XPO7: variants seen among roughly 807,000 people sequenced by gnomAD.
XPO7 encodes the protein exportin 7.
XPO7 carries 21 observed loss-of-function variants against 144.3 expected under a neutral mutation model. That is an observed-to-expected ratio of 0.15 (90% CI 0.10 to 0.21). XPO7 has a LOEUF of 0.21. Among genes scored for constraint, XPO7 ranks in the 10% least tolerant of loss-of-function variants. The pLI, the probability that XPO7 is intolerant of heterozygous loss-of-function variation, is 1.00. For synonymous variants in XPO7, 580 were observed against 499.6 expected (o/e 1.16, Z -2.15); for missense variants, 808 against 1,325.8 (o/e 0.61, Z 6.06).
At chr8:21,926,949 A>G (rs1172310993) in intron 1 of XPO7, among the ~76,000 whole-genome samples, 1 of 152,220 alleles carries the variant, frequency 6.6e-6, no homozygotes, top group East Asian at 1.9e-4. Flanking sequence ...ATTAAATAAA[A>G]CTTACTGGAA....
intron 12 of XPO7, among the ~76,000 whole-genome samples, chr8:21,985,291 T>C (rs2117368230): frequency 6.6e-6 from 1 of 152,336 alleles, no homozygotes; most frequent in South Asian, 2.1e-4. Flanking sequence ...CTTCCTCTTT[T>C]TACCGGGCCT....
At chr8:21,994,218 G>A (rs534790597) in intron 19 of XPO7, 145 bp from the exon 20 acceptor site, 69 of 541,572 alleles carry the variant, frequency 1.3e-4, no homozygotes, top group Non-Finnish European at 2.1e-4. Context: ...TTCTAGCATA[G>A]AAGATATTGA....
At chr8:21,922,509 T>TA (rs1810321816) in intron 1 of XPO7, among the ~76,000 whole-genome samples, 2 of 151,806 alleles carry the variant, frequency 1.3e-5, no homozygotes. Context: ...AAATCAAACT[T>TA]ACTTATGTGT....
chr8:21,979,565 G>T (rs1028598250), intron 8 of XPO7, among the ~76,000 whole-genome samples: 2 of 151,362 alleles, frequency 1.3e-5, no homozygotes, highest in African/African-American at 4.9e-5. Flanking sequence ...CTGCCACCAC[G>T]CCCAGCTAAT....
chr8:21,944,945 C>T (rs948498970), intron 1 of XPO7, among the ~76,000 whole-genome samples: 3 of 152,218 alleles, frequency 2.0e-5, no homozygotes, highest in African/African-American at 7.2e-5. Context: ...AGATTAACAG[C>T]ATCCCAAGGC....
At chr8:21,963,417 C>T (rs375660643) in intron 1 of XPO7, among the ~76,000 whole-genome samples, 3 of 152,064 alleles carry the variant, frequency 2.0e-5, no homozygotes, top group East Asian at 1.9e-4. Context: ...AAGTATAGAC[C>T]GGGCACGGTG....
chr8:22,001,426 T>C (rs1813142848), intron 24 of XPO7, among the ~76,000 whole-genome samples: 1 of 152,244 alleles, frequency 6.6e-6, no homozygotes, highest in Admixed American at 6.5e-5. Context: ...TCCTTTGGCC[T>C]TACCTCATCA....
intron 16 of XPO7, 128 bp downstream of exon 16, chr8:21,989,211 A>T: frequency 4.4e-6 from 4 of 902,798 alleles, no homozygotes; most frequent in Middle Eastern, 2.2e-4. Context: ...CCATTTTCCT[A>T]GGAGTCCAAA....
chr8:21,933,527 G>C (rs555857140), intron 1 of XPO7, among the ~76,000 whole-genome samples: 1 of 152,232 alleles, frequency 6.6e-6, no homozygotes, highest in South Asian at 2.1e-4. Flanking sequence ...CTGAGTACAT[G>C]TACAAGTCTG....
rs769627136 is a variant in XPO7 at position 21,982,824 on chromosome 8, T to G, written c.1277+12T>G. On this transcript the variant is annotated intron_variant, in intron 11 of 27. Transcript: ENST00000252512. ...CACATCATACTGAGGTAAGGAAACTTAGCCTCATTCATTCCCGCACCAGTG... is the reference window on the plus strand; with the variant it reads ...CACATCATACTGAGGTAAGGAAACTGAGCCTCATTCATTCCCGCACCAGTG... The G allele has an allele frequency of 6.3e-7, 1 of 1,587,396 alleles. No individual in the cohort carries two copies. Among genetic ancestry groups the G allele is most frequent in the Non-Finnish European group, 8.5e-7 (1 of 1,169,930 alleles).
At chr8:21,965,329 T>C (rs1195971180) in intron 1 of XPO7, among the ~76,000 whole-genome samples, 2 of 152,204 alleles carry the variant, frequency 1.3e-5, no homozygotes, top group Non-Finnish European at 2.9e-5. Flanking sequence ...GCATGTATTT[T>C]ATGGAATGTA....
At chr8:21,925,149 T>C (rs912971907) in intron 1 of XPO7, among the ~76,000 whole-genome samples, 3 of 152,208 alleles carry the variant, frequency 2.0e-5, no homozygotes, top group Non-Finnish European at 4.4e-5. Context: ...TTATAGTGAC[T>C]CATTACTAGG....
rs1811415381 is a variant in XPO7, at chr8:21,952,838, A to G, written c.19-14019A>G. On this transcript the variant is annotated intron_variant, in intron 1 of 27. Transcript: ENST00000252512. Reference sequence around the variant, plus strand: ...AAGATACAAAATGTCATGTTTTAGTATTAAATATTGGTTAGTAAACTAGCC... The same window carrying G: ...AAGATACAAAATGTCATGTTTTAGTGTTAAATATTGGTTAGTAAACTAGCC... Among the ~76,000 whole-genome samples, 3 of 152,228 alleles carry G rather than the reference A, an allele frequency of 2.0e-5. No homozygotes were observed. In the South Asian group the frequency reaches 6.2e-4, roughly 32 times the overall value.
intron 1 of XPO7, among the ~76,000 whole-genome samples, chr8:21,960,828 A>G (rs1409345886): frequency 1.3e-5 from 2 of 152,222 alleles, no homozygotes; most frequent in Non-Finnish European, 2.9e-5. Flanking sequence ...AGCATTCTGA[A>G]TCTAAAGTGC....
chr8:21,953,038 C>T (rs1358153901), intron 1 of XPO7, among the ~76,000 whole-genome samples: 1 of 149,498 alleles, frequency 6.7e-6, no homozygotes, highest in African/African-American at 2.5e-5. Context: ...CCCACCCCTG[C>T]CCCCGCCCAT....
At chr8:21,937,325 T>C (rs1810853298) in intron 1 of XPO7, among the ~76,000 whole-genome samples, 1 of 152,224 alleles carries the variant, frequency 6.6e-6, no homozygotes, top group Admixed American at 6.5e-5. Flanking sequence ...AACATCTTGA[T>C]CTGTTATGTT....
At chr8:21,986,313 C>T (rs1812577289) in intron 13 of XPO7, among the ~76,000 whole-genome samples, 1 of 152,054 alleles carries the variant, frequency 6.6e-6, no homozygotes, top group Non-Finnish European at 1.5e-5. Context: ...GTCACCACAT[C>T]TGGCTAATTT....
At chr8:22,001,700 A>T (rs1027152694) in intron 24 of XPO7, among the ~76,000 whole-genome samples, 1 of 152,164 alleles carries the variant, frequency 6.6e-6, no homozygotes, top group African/African-American at 2.4e-5. Context: ...GCCGATACAT[A>T]ACCTCTCCTA....
intron 8 of XPO7, among the ~76,000 whole-genome samples, chr8:21,978,629 T>A (rs1812303356): frequency 6.6e-6 from 1 of 152,018 alleles, no homozygotes; most frequent in African/African-American, 2.4e-5. Flanking sequence ...CTTGCAAAGG[T>A]ATGGGTAAAA....
Sources: gnomAD v4.1 joint callset for allele counts (sites outside exome capture counted in the v4.1 genomes callset) on GRCh38, gnomAD v4.1.1 for gene constraint, MANE v1.5 for transcripts, NCBI Gene and HGNC (gene_info 2026-07-23, HGNC 2026-07-21) for gene names.